Variants in TBC1D19 observed in about 807,000 individuals in gnomAD.
TBC1D19 encodes TBC1 domain family, member 19.
TBC1D19 carries 60 observed loss-of-function variants against 89.0 expected under a neutral mutation model. That is an observed-to-expected ratio of 0.67 (90% CI 0.55 to 0.84). The LOEUF is 0.84. Among genes scored for constraint, TBC1D19 ranks in the 40% least tolerant of loss-of-function variants. The probability of loss-of-function intolerance (pLI) is 0.00; values close to 1 mark genes in which losing one functional copy is unlikely to be tolerated. For synonymous variants in TBC1D19, 189 were observed against 199.7 expected (o/e 0.95, Z 0.45); for missense variants, 500 against 610.8 (o/e 0.82, Z 1.91).
At chr4:26,736,465 A>C (rs1718056008) in intron 16 of TBC1D19, among the ~76,000 whole-genome samples, 1 of 150,584 alleles carries the variant, frequency 6.6e-6, no homozygotes, top group Admixed American at 6.6e-5. Context: ...TAGTGGGTGC[A>C]GCGCACCAGC....
intron 16 of TBC1D19, among the ~76,000 whole-genome samples, chr4:26,736,074 C>A (rs1331193602): frequency 7.4e-6 from 1 of 134,576 alleles, no homozygotes; most frequent in African/African-American, 2.7e-5. Context: ...ATAAATCATG[C>A]TGCTATAAAG....
intron 19 of TBC1D19, among the ~76,000 whole-genome samples, chr4:26,751,710 C>T (rs1174053714): frequency 6.6e-6 from 1 of 152,194 alleles, no homozygotes; most frequent in Non-Finnish European, 1.5e-5. Context: ...GCCCGACTGT[C>T]CAAAATCTCT....
the TBC1D19 span, among the ~76,000 whole-genome samples, chr4:26,820,276 A>C: frequency 7.9e-5 from 12 of 152,320 alleles, no homozygotes; most frequent in Non-Finnish European, 1.5e-4. Flanking sequence ...TTATTCTTGC[A>C]GTCTGAAACT....
At chr4:26,586,171 CT>C (rs57229787) in intron 1 of TBC1D19, among the ~76,000 whole-genome samples, 6,491 of 52,122 alleles carry the variant, frequency 0.12, 236 homozygotes, top group African/African-American at 0.25. Flanking sequence ...GCAAGGTAAG[CT>C]TTTTTTTTTT....
At chr4:26,581,112 C>T (rs1739053379), upstream of TBC1D19, among the ~76,000 whole-genome samples, 2 of 152,162 alleles carry the variant, frequency 1.3e-5, no homozygotes, top group Admixed American at 1.3e-4. Context: ...ATTGCACCCC[C>T]TCTTGCTATT....
the TBC1D19 span, among the ~76,000 whole-genome samples, chr4:26,763,444 T>G: frequency 6.6e-6 from 1 of 152,220 alleles, no homozygotes; most frequent in Non-Finnish European, 1.5e-5. Flanking sequence ...ATTCTATTGA[T>G]CCCAGGTTTT....
chr4:26,648,382 A>G (rs1744105800), intron 7 of TBC1D19, among the ~76,000 whole-genome samples: 1 of 152,222 alleles, frequency 6.6e-6, no homozygotes, highest in Admixed American at 6.5e-5. Flanking sequence ...AGTTTTGGTC[A>G]TAAAAATAGC....
In TBC1D19 at chr4:26,693,123, TAA is replaced by T. The variant is rs56037009; in HGVS notation, c.954+4732_954+4733del. Among the ~76,000 whole-genome samples, 1,007 of 136,128 alleles carry T rather than the reference TAA, an allele frequency of 7.4e-3. 4 individuals are homozygous for T. Among genetic ancestry groups the T allele is most frequent in the African/African-American group, 0.011 (411 of 36,824 alleles). The allele number at this position is 136,128 out of a possible 152,430, so 89.3% of individuals were successfully genotyped here. A position where few individuals can be genotyped will look rare whatever the true frequency, so the allele number is the denominator to read the frequency against. ...CCTGGGTGACAGAGCAAGACTGTCTTAAAAAAAAAAAAAAAAACCCTGCTAAA... is the reference window on the plus strand; with the variant it reads ...CCTGGGTGACAGAGCAAGACTGTCTTAAAAAAAAAAAAAAACCCTGCTAAA... On this transcript the variant is annotated intron_variant, in intron 13 of 20. Transcript: ENST00000264866.
chr4:26,772,002 G>A, the TBC1D19 span, among the ~76,000 whole-genome samples: 1,928 of 151,822 alleles, frequency 0.013, 34 homozygotes, highest in African/African-American at 0.043. Flanking sequence ...GACTGATTAG[G>A]GAAAAAAAGA....
At chr4:26,675,332 G>A (rs770030001) in intron 11 of TBC1D19, among the ~76,000 whole-genome samples, 13 of 151,724 alleles carry the variant, frequency 8.6e-5, no homozygotes, top group Admixed American at 2.6e-4. Flanking sequence ...AATAATCCCA[G>A]GTAATCATTT....
At chr4:26,585,449 G>A (rs1739352409) in intron 1 of TBC1D19, among the ~76,000 whole-genome samples, 1 of 150,980 alleles carries the variant, frequency 6.6e-6, no homozygotes, top group African/African-American at 2.4e-5. Flanking sequence ...CTTTTTTGGT[G>A]AGGTAGTCTT....
intron 3 of TBC1D19, among the ~76,000 whole-genome samples, chr4:26,616,805 T>C (rs1041660461): frequency 6.6e-6 from 1 of 152,340 alleles, no homozygotes; most frequent in East Asian, 1.9e-4. Flanking sequence ...CCATTTCAGA[T>C]TGCATACTTT....
the TBC1D19 span, among the ~76,000 whole-genome samples, chr4:26,772,955 A>G: frequency 6.6e-6 from 1 of 152,206 alleles, no homozygotes; most frequent in East Asian, 1.9e-4. Context: ...TTACAGAAAG[A>G]TATATATTCC....
At chr4:26,790,266 C>A in the TBC1D19 span, among the ~76,000 whole-genome samples, 1 of 152,236 alleles carries the variant, frequency 6.6e-6, no homozygotes, top group African/African-American at 2.4e-5. Context: ...TGAGGCCCTG[C>A]GGGATGATGG....
chr4:26,628,865 C>G (rs1034756243), intron 4 of TBC1D19, among the ~76,000 whole-genome samples: 5 of 151,880 alleles, frequency 3.3e-5, no homozygotes, highest in African/African-American at 1.2e-4. Flanking sequence ...AAAGAGGATA[C>G]AAACAAATGG....
At chr4:26,591,440 C>G (rs995359001) in intron 1 of TBC1D19, among the ~76,000 whole-genome samples, 2 of 151,948 alleles carry the variant, frequency 1.3e-5, no homozygotes, top group African/African-American at 4.8e-5. Context: ...GTAAGAAACC[C>G]AATTCCCCTT....
intron 7 of TBC1D19, among the ~76,000 whole-genome samples, chr4:26,646,313 C>T (rs190518607): frequency 5.9e-5 from 9 of 152,222 alleles, no homozygotes; most frequent in Admixed American, 2.6e-4. Flanking sequence ...AGTCAGGAAA[C>T]AACAGGTGCT....
At chr4:26,728,832 T>G (rs1214024301) in intron 15 of TBC1D19, among the ~76,000 whole-genome samples, 1 of 151,826 alleles carries the variant, frequency 6.6e-6, no homozygotes, top group Non-Finnish European at 1.5e-5. Context: ...GCTAATATGG[T>G]GAAACCCCGT....
At chr4:26,686,055 T>A (rs188468643) in intron 12 of TBC1D19, among the ~76,000 whole-genome samples, 2 of 152,348 alleles carry the variant, frequency 1.3e-5, no homozygotes, top group African/African-American at 4.8e-5. Flanking sequence ...TGTCTCTGGT[T>A]ATTTTTGACT....
Sources: gnomAD v4.1 joint callset for allele counts (sites outside exome capture counted in the v4.1 genomes callset) on GRCh38, gnomAD v4.1.1 for gene constraint, MANE v1.5 for transcripts, NCBI Gene and HGNC (gene_info 2026-07-23, HGNC 2026-07-21) for gene names.